CD86: variants seen among roughly 807,000 people sequenced by gnomAD.
The protein encoded by CD86 is CD86 molecule.
Under a neutral mutation model 32.1 loss-of-function variants are expected in CD86, and 11 were observed. The observed-to-expected ratio is 0.34, with a 90% confidence interval of 0.22 to 0.57. The LOEUF (loss-of-function observed/expected upper bound fraction) is 0.57, where lower values mean the gene tolerates loss of function less well. Ranked by LOEUF, CD86 falls within the 20% of genes least tolerant of loss-of-function variation. The pLI is 0.86. For synonymous variants in CD86, 137 were observed against 135.3 expected (o/e 1.01, Z -0.09); for missense variants, 359 against 398.4 (o/e 0.90, Z 0.84).
At chr3:122,066,230 T>A (rs1467923787) in intron 1 of CD86, among the ~76,000 whole-genome samples, 1 of 152,210 alleles carries the variant, frequency 6.6e-6, no homozygotes. Flanking sequence ...ATTACCTTCT[T>A]TGAGCCTCAG....
chr3:122,070,881 C>T (rs1447693229), intron 1 of CD86, among the ~76,000 whole-genome samples: 1 of 152,112 alleles, frequency 6.6e-6, no homozygotes, highest in Non-Finnish European at 1.5e-5. Flanking sequence ...TCTAGCAGCC[C>T]TCTAAAATGT....
At chr3:122,082,584 G>T (rs2072649679) in intron 1 of CD86, among the ~76,000 whole-genome samples, 1 of 152,190 alleles carries the variant, frequency 6.6e-6, no homozygotes, top group African/African-American at 2.4e-5. Flanking sequence ...ACTAGGATTG[G>T]ATGAAATTTA....
At chr3:122,085,113 T>C (rs139626550) in intron 1 of CD86, among the ~76,000 whole-genome samples, 123 of 152,308 alleles carry the variant, frequency 8.1e-4, no homozygotes, top group African/African-American at 2.9e-3. Context: ...AACACAATGC[T>C]TGGTTCAATA....
At chr3:122,087,603 C>T (rs1343105389) in intron 1 of CD86, among the ~76,000 whole-genome samples, 1 of 152,194 alleles carries the variant, frequency 6.6e-6, no homozygotes, top group Non-Finnish European at 1.5e-5. Context: ...AGTATTTTAA[C>T]ATCCTATTAC....
chr3:122,091,212 C>G (rs1305314560), intron 1 of CD86, among the ~76,000 whole-genome samples: 1 of 152,210 alleles, frequency 6.6e-6, no homozygotes, highest in Non-Finnish European at 1.5e-5. Context: ...GTTTATTAAG[C>G]AAACCAGATC....
intron 1 of CD86, among the ~76,000 whole-genome samples, chr3:122,072,949 G>A (rs1220829328): frequency 6.6e-6 from 1 of 151,772 alleles, no homozygotes; most frequent in Non-Finnish European, 1.5e-5. Context: ...TTCTGCATAT[G>A]GCTAGCCAGT....
chr3:122,076,869 A>G (rs1231641316), intron 1 of CD86, among the ~76,000 whole-genome samples: 1 of 152,216 alleles, frequency 6.6e-6, no homozygotes, highest in Non-Finnish European at 1.5e-5. Flanking sequence ...CTGACATTCA[A>G]ACATGTTCAA....
At chr3:122,095,205 T>C (rs2072887475) in intron 2 of CD86, among the ~76,000 whole-genome samples, 2 of 150,126 alleles carry the variant, frequency 1.3e-5, no homozygotes, top group Non-Finnish European at 3.0e-5. Context: ...GGAGTCTCAC[T>C]CTGTTGCCCA....
chr3:122,072,337 G>A (rs200930884), intron 1 of CD86, among the ~76,000 whole-genome samples: 20,376 of 150,440 alleles, frequency 0.14, 1,820 homozygotes, highest in East Asian at 0.55. Context: ...CTAGTTTACA[G>A]TCCCACCAAC....
chr3:122,114,964 G>C (rs1192302498), intron 5 of CD86, among the ~76,000 whole-genome samples: 1 of 152,184 alleles, frequency 6.6e-6, no homozygotes, highest in Non-Finnish European at 1.5e-5. Context: ...GGCGAATGTG[G>C]GGAGGATGTC....
chr3:122,061,691 C>T (rs1380378289), intron 1 of CD86, among the ~76,000 whole-genome samples: 1 of 152,160 alleles, frequency 6.6e-6, no homozygotes, highest in Non-Finnish European at 1.5e-5. Flanking sequence ...AATGACAACA[C>T]CAAATGATGG....
intron 1 of CD86, among the ~76,000 whole-genome samples, chr3:122,087,293 C>T (rs569595671): frequency 3.3e-5 from 5 of 152,258 alleles, no homozygotes; most frequent in Non-Finnish European, 5.9e-5. Context: ...AGAATCCCCC[C>T]GGTAAATTCT....
chr3:122,069,661 T>A (rs1426194851), intron 1 of CD86, among the ~76,000 whole-genome samples: 1 of 152,166 alleles, frequency 6.6e-6, no homozygotes, highest in Non-Finnish European at 1.5e-5. Flanking sequence ...TCCTTCCCTG[T>A]CCTGTGGTCC....
chr3:122,069,601 G>C (rs1232357610), intron 1 of CD86, among the ~76,000 whole-genome samples: 1 of 151,696 alleles, frequency 6.6e-6, no homozygotes, highest in African/African-American at 2.4e-5. Flanking sequence ...CATGGGGTGA[G>C]TTGTGAGCCC....
At chr3:122,080,516 T>C (rs1042852763) in intron 1 of CD86, among the ~76,000 whole-genome samples, 1 of 152,118 alleles carries the variant, frequency 6.6e-6, no homozygotes, top group Non-Finnish European at 1.5e-5. Context: ...TTGCCTACAA[T>C]ATTGGAAGGT....
chr3:122,106,370 T>A lies in CD86; in HGVS notation c.573T>A (p.Asp191Glu), dbSNP rs145578152. ...ATGGTGTTATGCAGAAATCTCAAGA[T>A]AATGTCACAGAACTGTACGACGTTT... is the stretch of plus-strand genomic sequence containing the variant. ...EYDGVMQKSQ[D>E]NVTELYDVSI... is the part of the protein sequence containing the mutation. Residue 191 changes from aspartate to glutamate, a missense_variant, in exon 4 of 7, where the codon GAT (aspartate) becomes GAA (glutamate). Asp to Glu is a conservative substitution (Grantham distance 45). Coordinates refer to ENST00000330540, the MANE Select transcript of CD86 (RefSeq NM_175862.5). The A allele has an allele frequency of 1.2e-6, 2 of 1,614,044 alleles. No individual in the cohort carries two copies. The highest frequency in any genetic ancestry group is 1.3e-5 in the African/African-American group (1 of 74,938).
chr3:122,076,846 A>G (rs1480579784), intron 1 of CD86, among the ~76,000 whole-genome samples: 1 of 152,256 alleles, frequency 6.6e-6, no homozygotes, highest in Non-Finnish European at 1.5e-5. Context: ...GTCACATTTC[A>G]TAAGTGAGAA....
At chr3:122,091,099 ACTAGCTAC>A (rs2072810564) in intron 1 of CD86, among the ~76,000 whole-genome samples, 3 of 152,236 alleles carry the variant, frequency 2.0e-5, no homozygotes, top group African/African-American at 7.2e-5. Flanking sequence ...GATAAATAAT[ACTAGCTAC>A]TGCAATAATC....
At chr3:122,111,040 A>G (rs546086093) in intron 5 of CD86, among the ~76,000 whole-genome samples, 2 of 152,206 alleles carry the variant, frequency 1.3e-5, no homozygotes, top group Non-Finnish European at 2.9e-5. Flanking sequence ...AGAAGTTAGA[A>G]GGTGGTTAAA....
Sources: gnomAD v4.1 joint callset for allele counts (sites outside exome capture counted in the v4.1 genomes callset) on GRCh38, gnomAD v4.1.1 for gene constraint, MANE v1.5 for transcripts, NCBI Gene and HGNC (gene_info 2026-07-23, HGNC 2026-07-21) for gene names.